The following SORCS1 variants were observed in gnomAD, a reference collection of about 807,000 sequenced individuals.
SORCS1 encodes sortilin related VPS10 domain containing receptor 1, also known as VPS10 domain-containing receptor SorCS1.
A neutral mutation model predicts 146.1 loss-of-function variants in SORCS1; 60 were observed. The observed-to-expected ratio is 0.41, with a 90% CI of 0.33 to 0.51. The LOEUF is 0.51. SORCS1 is among the 20% of genes least tolerant of loss of function. The probability of loss-of-function intolerance (pLI) is 0.21; values close to 1 mark genes in which losing one functional copy is unlikely to be tolerated. For synonymous variants in SORCS1, 637 were observed against 584.0 expected (o/e 1.09, Z -1.31); for missense variants, 1,352 against 1,487.6 (o/e 0.91, Z 1.50).
intron 1 of SORCS1, among the ~76,000 whole-genome samples, chr10:106,996,073 C>A (rs1956986077): frequency 6.6e-6 from 1 of 151,830 alleles, no homozygotes; most frequent in Non-Finnish European, 1.5e-5. Context: ...AATCCTGTCT[C>A]TACTAAAAAT....
chr10:106,736,207 C>T (rs1856933133), intron 5 of SORCS1, among the ~76,000 whole-genome samples: 1 of 152,146 alleles, frequency 6.6e-6, no homozygotes, highest in Admixed American at 6.6e-5. Context: ...TGAGTTTATA[C>T]CAGCTTAATA....
chr10:106,597,805 C>T (rs1020645917), intron 23 of SORCS1, among the ~76,000 whole-genome samples: 10 of 152,238 alleles, frequency 6.6e-5, no homozygotes, highest in South Asian at 2.1e-4. Flanking sequence ...TTACACATTC[C>T]GATAAGATTA....
At chr10:106,628,904 T>C (rs1016717079) in intron 19 of SORCS1, among the ~76,000 whole-genome samples, 3 of 152,230 alleles carry the variant, frequency 2.0e-5, no homozygotes, top group African/African-American at 7.2e-5. Context: ...CAAATAGCTC[T>C]GCAAGTTACT....
chr10:106,678,841 T>G (rs998633417), intron 12 of SORCS1, among the ~76,000 whole-genome samples: 4 of 152,172 alleles, frequency 2.6e-5, no homozygotes, highest in Non-Finnish European at 5.9e-5. Flanking sequence ...TATATCTGCA[T>G]TCCTTCCTAT....
At chr10:106,886,136 C>T (rs1270930574) in intron 2 of SORCS1, among the ~76,000 whole-genome samples, 1 of 152,086 alleles carries the variant, frequency 6.6e-6, no homozygotes, top group East Asian at 1.9e-4. Context: ...GTAGCAGGCA[C>T]CTGTAATCCC....
At chr10:106,900,417 T>A (rs543263599) in intron 2 of SORCS1, among the ~76,000 whole-genome samples, 3 of 152,312 alleles carry the variant, frequency 2.0e-5, no homozygotes, top group African/African-American at 7.2e-5. Context: ...TTTCTCTAGT[T>A]GCAAGAGTCT....
At chr10:107,000,770 C>T (rs1957184521) in intron 1 of SORCS1, among the ~76,000 whole-genome samples, 1 of 152,074 alleles carries the variant, frequency 6.6e-6, no homozygotes, top group African/African-American at 2.4e-5. Flanking sequence ...CTAAGATACT[C>T]TTCAACATAT....
chr10:107,168,744 A>G (rs985841737), upstream of SORCS1, among the ~76,000 whole-genome samples: 3 of 151,014 alleles, frequency 2.0e-5, no homozygotes, highest in African/African-American at 7.3e-5. Context: ...AGATGATATT[A>G]AGTAACTAGG....
At chr10:107,035,545 T>A (rs961345826) in intron 1 of SORCS1, among the ~76,000 whole-genome samples, 21 of 152,154 alleles carry the variant, frequency 1.4e-4, no homozygotes, top group Admixed American at 6.5e-4. Context: ...ATCAGAGAAC[T>A]ATGTATAGTG....
intron 3 of SORCS1, among the ~76,000 whole-genome samples, chr10:106,777,041 T>C (rs1358003446): frequency 6.6e-6 from 1 of 152,226 alleles, no homozygotes; most frequent in Non-Finnish European, 1.5e-5. Flanking sequence ...CCTTATGCAC[T>C]TTCCATTTTG....
intron 24 of SORCS1, among the ~76,000 whole-genome samples, chr10:106,592,462 A>G (rs1845657661): frequency 6.6e-6 from 1 of 152,214 alleles, no homozygotes; most frequent in African/African-American, 2.4e-5. Context: ...ATTCTTGAAA[A>G]GAGACAGTTC....
chr10:106,842,690 C>T (rs999725082), intron 2 of SORCS1, among the ~76,000 whole-genome samples: 1 of 152,158 alleles, frequency 6.6e-6, no homozygotes, highest in Non-Finnish European at 1.5e-5. Flanking sequence ...GATCTCAGCT[C>T]ACTACAACCT....
chr10:106,582,549 C>T (rs938055008), intron 24 of SORCS1, among the ~76,000 whole-genome samples: 1 of 152,182 alleles, frequency 6.6e-6, no homozygotes, highest in Non-Finnish European at 1.5e-5. Flanking sequence ...TTGCCCAGCA[C>T]TTAGGTGCAT....
At chr10:106,910,234 G>A (rs1952080892) in intron 2 of SORCS1, among the ~76,000 whole-genome samples, 1 of 151,802 alleles carries the variant, frequency 6.6e-6, no homozygotes, top group African/African-American at 2.4e-5. Context: ...CTACTGATGT[G>A]AAATTTGGGA....
chr10:107,061,948 T>C (rs549992956), intron 1 of SORCS1, among the ~76,000 whole-genome samples: 5 of 152,280 alleles, frequency 3.3e-5, no homozygotes, highest in African/African-American at 9.6e-5. Flanking sequence ...CTAACCTTTA[T>C]TGAGATTTTA....
chr10:106,906,491 G>A (rs1468959629), intron 2 of SORCS1, among the ~76,000 whole-genome samples: 2 of 152,140 alleles, frequency 1.3e-5, no homozygotes, highest in Non-Finnish European at 2.9e-5. Flanking sequence ...GGAGGTGAAA[G>A]GCACTTCTTA....
chr10:106,872,147 G>C (rs1191903762), intron 2 of SORCS1, among the ~76,000 whole-genome samples: 1 of 152,226 alleles, frequency 6.6e-6, no homozygotes, highest in African/African-American at 2.4e-5. Context: ...AAAGGAATCA[G>C]TTATGGAAAA....
intron 16 of SORCS1, among the ~76,000 whole-genome samples, chr10:106,669,757 C>T (rs974725813): frequency 6.6e-6 from 1 of 152,208 alleles, no homozygotes; most frequent in Non-Finnish European, 1.5e-5. Flanking sequence ...TCTGGCTGAG[C>T]CCAAAGAGAT....
intron 3 of SORCS1, among the ~76,000 whole-genome samples, chr10:106,798,308 C>T (rs1340344173): frequency 6.6e-6 from 1 of 152,076 alleles, no homozygotes; most frequent in African/African-American, 2.4e-5. Flanking sequence ...TTTTTTTATA[C>T]TTTAAGTTCT....
Sources: gnomAD v4.1 joint callset for allele counts (sites outside exome capture counted in the v4.1 genomes callset) on GRCh38, gnomAD v4.1.1 for gene constraint, MANE v1.5 for transcripts, NCBI Gene and HGNC (gene_info 2026-07-23, HGNC 2026-07-21) for gene names.